The following ZFP91 variants were observed in gnomAD, a reference collection of about 807,000 sequenced individuals.
ZFP91 encodes E3 ubiquitin-protein ligase ZFP91.
Under a neutral mutation model 63.5 loss-of-function variants are expected in ZFP91, and 7 were observed. The ratio of observed to expected loss-of-function variants is 0.11; its 90% CI spans 0.06 to 0.21. The LOEUF is 0.21. ZFP91 is among the 10% of genes least tolerant of loss of function. The pLI, the probability that ZFP91 is intolerant of heterozygous loss-of-function variation, is 1.00. For synonymous variants in ZFP91, 330 were observed against 272.1 expected (o/e 1.21, Z -2.10); for missense variants, 628 against 736.6 (o/e 0.85, Z 1.71).
intron 2 of ZFP91, among the ~76,000 whole-genome samples, chr11:58,593,641 T>C (rs1451362405): frequency 6.6e-6 from 1 of 152,226 alleles, no homozygotes; most frequent in African/African-American, 2.4e-5. Context: ...ATAGTTTGTT[T>C]TTATGTGCTG....
intron 1 of ZFP91, 52 bp downstream of exon 1, chr11:58,579,674 A>C (rs1306110970): frequency 6.9e-7 from 1 of 1,458,496 alleles, no homozygotes; most frequent in Non-Finnish European, 9.0e-7. Flanking sequence ...GTCCGTACGC[A>C]ACCCTCTCGG....
Position 58,618,846 on chromosome 11 carries a change from T to C in ZFP91, c.*1140T>C, listed in dbSNP as rs117899798. 5,188 of 336,726 alleles carry C rather than the reference T, an allele frequency of 0.015. 79 individuals are homozygous for C. Among genetic ancestry groups the C allele is most frequent in the Non-Finnish European group, 0.022 (3,740 of 172,132 alleles). The allele number at this position is 336,726 out of a possible 1,614,324, so 20.9% of individuals were successfully genotyped here. A position where few individuals can be genotyped will look rare whatever the true frequency, so the allele number is the denominator to read the frequency against. ...AGGTTCATGGTAACTAGTATGCTCTTTGAGATTTTTACAGTGTTGAAACTT... is the reference window on the plus strand; with the variant it reads ...AGGTTCATGGTAACTAGTATGCTCTCTGAGATTTTTACAGTGTTGAAACTT... On this transcript the variant is annotated 3_prime_UTR_variant, in exon 11 of 11. Transcript: ENST00000316059.
At chr11:58,607,837 A>T (rs1321098410) in intron 2 of ZFP91, among the ~76,000 whole-genome samples, 2 of 152,224 alleles carry the variant, frequency 1.3e-5, no homozygotes, top group African/African-American at 2.4e-5. Flanking sequence ...ATTCAATCAT[A>T]CTAAGGTATC....
intron 1 of ZFP91, 43 bp downstream of exon 1, chr11:58,579,665 TC>T: frequency 6.7e-7 from 1 of 1,488,502 alleles, no homozygotes; most frequent in Non-Finnish European, 8.9e-7. Flanking sequence ...CCCCCCTCTG[TC>T]CGTACGCAAC....
At chr11:58,607,501 GA>G (rs1267952311) in intron 2 of ZFP91, among the ~76,000 whole-genome samples, 1 of 152,056 alleles carries the variant, frequency 6.6e-6, no homozygotes, top group Non-Finnish European at 1.5e-5. Context: ...GCTCAGATAG[GA>G]GGGTGATGCA....
Position 58,612,764 on chromosome 11 carries a change from A to G in ZFP91, c.911A>G (p.Lys304Arg), listed in dbSNP as rs1360263538. ...DKSPRLPKRRKKPPIQYVRCE... is the reference protein window; with the variant it reads ...DKSPRLPKRRRKPPIQYVRCE... ...TTTCTTCTGCATTTTGATAATAGAA[A>G]AAAGCCTCCAATCCAGTATGTCCGT... is the stretch of plus-strand genomic sequence containing the variant. Residue 304 changes from lysine (K) to arginine (R), a missense_variant and splice_region_variant, in exon 8 of 11, where the codon AAA (lysine) becomes AGA (arginine). Around this residue, in one of 3 missense-constraint regions of ZFP91, gnomAD observed 76 missense variants for 230.9 expected, o/e 0.33. Transcript: ENST00000316059. 8 of 1,604,142 alleles carry G rather than the reference A, an allele frequency of 5.0e-6. No homozygotes were observed. The highest frequency in any genetic ancestry group is 1.1e-5 in the South Asian group (1 of 88,590).
intron 2 of ZFP91, among the ~76,000 whole-genome samples, chr11:58,598,840 A>G (rs1267765936): frequency 3.3e-5 from 5 of 151,924 alleles, no homozygotes; most frequent in Non-Finnish European, 2.9e-5. Flanking sequence ...TTGAAAGCAT[A>G]CAATTCAGTG....
chr11:58,597,364 A>AT (rs1007311625), intron 2 of ZFP91, among the ~76,000 whole-genome samples: 2 of 151,968 alleles, frequency 1.3e-5, no homozygotes, highest in Admixed American at 6.6e-5. Context: ...CTCTTGTGGC[A>AT]TTTTTTTCTG....
Position 58,610,017 on chromosome 11 carries a change from A to C in ZFP91, c.558A>C (p.Pro186=). 1 of 1,614,220 alleles carries C rather than the reference A, an allele frequency of 6.2e-7. No individual in the cohort carries two copies. The highest frequency in any genetic ancestry group is 8.5e-7 in the Non-Finnish European group (1 of 1,180,024). ...TGCAGCTCATTTGCAAGTCAGAACC[A>C]AATACAGACCAACTTGATTATGGTA... ...GSLQLICKSE[P]NTDQLDYDVG... The change falls in exon 3 of 11, where the codon CCA becomes CCC. Residue 186 remains proline, a synonymous_variant. Transcript: ENST00000316059.
At chr11:58,603,496 G>A (rs1462388580) in intron 2 of ZFP91, among the ~76,000 whole-genome samples, 1 of 152,174 alleles carries the variant, frequency 6.6e-6, no homozygotes, top group African/African-American at 2.4e-5. Flanking sequence ...ACTCTCATTT[G>A]GTGGCTTCGA....
chr11:58,605,977 G>A (rs568924780), intron 2 of ZFP91, among the ~76,000 whole-genome samples: 3 of 151,950 alleles, frequency 2.0e-5, no homozygotes, highest in Non-Finnish European at 4.4e-5. Flanking sequence ...CTAGCTTAAA[G>A]TTCACTGATT....
intron 2 of ZFP91, among the ~76,000 whole-genome samples, chr11:58,609,081 C>CG (rs1554958239): frequency 6.6e-6 from 1 of 151,394 alleles, no homozygotes; most frequent in African/African-American, 2.4e-5. Context: ...TTCTAATGTA[C>CG]TTTTTTTTTA....
At position 58,612,846 on chromosome 11, in the gene ZFP91, T is replaced by C. The variant is rs2134421783; in HGVS notation, c.987+6T>C. The C allele has an allele frequency of 6.2e-7, 1 of 1,609,128 alleles. No individual in the cohort carries two copies. The highest frequency in any genetic ancestry group is 1.3e-5 in the African/African-American group (1 of 74,652). On this transcript the variant is annotated splice_donor_region_variant and intron_variant, in intron 8 of 10. Transcript: ENST00000316059. ...CCCATCCTCGCTATTTGCAGGTCAG[T>C]GAAGTTGTTATATAAGAGCCTTTCA...
At chr11:58,606,786 C>G (rs1855576752) in intron 2 of ZFP91, among the ~76,000 whole-genome samples, 1 of 152,120 alleles carries the variant, frequency 6.6e-6, no homozygotes, top group Admixed American at 6.5e-5. Flanking sequence ...CCTTAAACAT[C>G]TTTACTCACC....
chr11:58,592,768 C>T (rs944699072), intron 2 of ZFP91, among the ~76,000 whole-genome samples: 2 of 151,950 alleles, frequency 1.3e-5, no homozygotes, highest in Non-Finnish European at 2.9e-5. Context: ...TGTATTAGTC[C>T]CTTTTGAGTT....
At chr11:58,599,268 C>T (rs1195300325) in intron 2 of ZFP91, among the ~76,000 whole-genome samples, 1 of 151,930 alleles carries the variant, frequency 6.6e-6, no homozygotes, top group Non-Finnish European at 1.5e-5. Context: ...TATGAATATT[C>T]ATATGTAATA....
chr11:58,604,081 A>G (rs79170562), intron 2 of ZFP91, among the ~76,000 whole-genome samples: 18,969 of 152,184 alleles, frequency 0.12, 1,399 homozygotes, highest in Middle Eastern at 0.18. Context: ...AAGGACATAA[A>G]TTTTAGGGAA....
At chr11:58,593,365 A>G (rs565541696) in intron 2 of ZFP91, among the ~76,000 whole-genome samples, 1 of 152,154 alleles carries the variant, frequency 6.6e-6, no homozygotes, top group Non-Finnish European at 1.5e-5. Flanking sequence ...TTTATACACA[A>G]ATATTTTTCT....
chr11:58,617,820 T>G lies in ZFP91; in HGVS notation c.*114T>G, dbSNP rs1242673834. 8 of 1,387,906 alleles carry G rather than the reference T, an allele frequency of 5.8e-6. No homozygotes were observed. The East Asian group carries it at 2.0e-4, about 35-fold the overall frequency. The allele number at this position is 1,387,906 out of a possible 1,614,324, so 86.0% of individuals were successfully genotyped here. On this transcript the variant is annotated 3_prime_UTR_variant, in exon 11 of 11. Transcript: ENST00000316059. This position sits in a 1 kb window ranked among gnomAD's most constrained non-coding sequence, Gnocchi z 4.2. ...CTAGTGAAATAACTGAAGGGCCTGC[T>G]CTTTCCATTGTGGATCACAGCACAC...
Sources: gnomAD v4.1 joint callset for allele counts (sites outside exome capture counted in the v4.1 genomes callset) on GRCh38, gnomAD v4.1.1 for gene constraint, gnomAD v4.1.1 regional missense constraint, Gnocchi (gnomAD v3.1) non-coding constraint, MANE v1.5 for transcripts, NCBI Gene and HGNC (gene_info 2026-07-23, HGNC 2026-07-21) for gene names.